Variants in TNRC6C observed in about 807,000 individuals in gnomAD.
TNRC6C encodes the protein trinucleotide repeat-containing gene 6C protein.
Under a neutral mutation model 153.7 loss-of-function variants are expected in TNRC6C, and 20 were observed. The observed-to-expected ratio is 0.13, with a 90% confidence interval of 0.09 to 0.19. The LOEUF is 0.19. Among genes scored for constraint, TNRC6C ranks in the 10% least tolerant of loss-of-function variants. TNRC6C has a pLI of 1.00. For missense variants in TNRC6C, 1,987 were observed against 2,172.0 expected (o/e 0.91, Z 1.69); for synonymous variants, 811 against 841.4 (o/e 0.96, Z 0.63).
chr17:78,047,136 G>A (rs910308975), intron 2 of TNRC6C, among the ~76,000 whole-genome samples: 1 of 152,114 alleles, frequency 6.6e-6, no homozygotes, highest in African/African-American at 2.4e-5. Context: ...CAAACTGATG[G>A]TAAAATGAAA....
intron 1 of TNRC6C, among the ~76,000 whole-genome samples, chr17:77,976,945 A>C (rs1305827730): frequency 6.6e-6 from 1 of 150,548 alleles, no homozygotes; most frequent in Non-Finnish European, 1.5e-5. Flanking sequence ...AAAAAAAAAA[A>C]AAAAAAAAAA....
At chr17:78,039,505 T>C (rs1159258103) in intron 2 of TNRC6C, among the ~76,000 whole-genome samples, 1 of 152,246 alleles carries the variant, frequency 6.6e-6, no homozygotes, top group African/African-American at 2.4e-5. Flanking sequence ...AAATAAGTCC[T>C]AGATGCTTTT....
chr17:78,106,147 G>A (rs776619452), exon 20 of TNRC6C: 14 of 152,034 alleles, frequency 9.2e-5, no homozygotes, highest in Non-Finnish European at 1.5e-4. Context: ...GCACTTGGGC[G>A]TGGGTTGTGA....
At chr17:78,050,534 G>T in exon 3 of TNRC6C, 1 of 1,613,888 alleles carries the variant, frequency 6.2e-7, no homozygotes, top group Non-Finnish European at 8.5e-7. Context: ...AACTCAGGGG[G>T]GAAGAACGAT....
chr17:77,968,575 T>G (rs371662645), intron 1 of TNRC6C, among the ~76,000 whole-genome samples: 1 of 150,750 alleles, frequency 6.6e-6, no homozygotes, highest in East Asian at 2.0e-4. Flanking sequence ...TCTCCTGACC[T>G]CAGGTGATCC....
At chr17:77,979,019 A>G (rs2071038219) in intron 1 of TNRC6C, among the ~76,000 whole-genome samples, 1 of 152,210 alleles carries the variant, frequency 6.6e-6, no homozygotes, top group Non-Finnish European at 1.5e-5. Context: ...AAAACTAAGC[A>G]TATAAAAAGA....
chr17:77,971,788 T>A (rs1244977491), intron 1 of TNRC6C, among the ~76,000 whole-genome samples: 1 of 151,188 alleles, frequency 6.6e-6, no homozygotes, highest in Admixed American at 6.6e-5. Flanking sequence ...CCATCAGAAA[T>A]TAAGTAAGAG....
At chr17:77,982,513 CA>C in intron 1 of TNRC6C, among the ~76,000 whole-genome samples, 1 of 151,946 alleles carries the variant, frequency 6.6e-6, no homozygotes. Flanking sequence ...CAAAAAAAGA[CA>C]AAAAAGAAAA....
At chr17:78,065,603 A>G (rs562879090) in intron 4 of TNRC6C, among the ~76,000 whole-genome samples, 1 of 152,176 alleles carries the variant, frequency 6.6e-6, no homozygotes, top group Non-Finnish European at 1.5e-5. Context: ...AAAACATGTC[A>G]TCTCCTTGAG....
At chr17:78,086,460 C>A (rs368786597) in intron 11 of TNRC6C, 43 bp from the exon 14 acceptor site, 1 of 1,537,974 alleles carries the variant, frequency 6.5e-7, no homozygotes, top group African/African-American at 1.4e-5. Flanking sequence ...GTTCAACTTA[C>A]ACTTAATTAT....
At chr17:78,045,073 AC>A (rs1482034276) in intron 2 of TNRC6C, among the ~76,000 whole-genome samples, 3 of 152,104 alleles carry the variant, frequency 2.0e-5, no homozygotes, top group Non-Finnish European at 2.9e-5. Flanking sequence ...CTCAAAAGAG[AC>A]CCAACCATTG....
chr17:78,007,857 A>G (rs2071550248), intron 1 of TNRC6C, among the ~76,000 whole-genome samples: 1 of 152,242 alleles, frequency 6.6e-6, no homozygotes, highest in Non-Finnish European at 1.5e-5. Context: ...CTTACTCTGC[A>G]ATATTACACA....
intron 13 of TNRC6C, among the ~76,000 whole-genome samples, chr17:78,088,869 C>T (rs1023092473): frequency 3.3e-5 from 5 of 151,962 alleles, no homozygotes; most frequent in African/African-American, 9.7e-5. Flanking sequence ...TTTCATCCCA[C>T]CTATTATCCT....
At position 78,009,032 on chromosome 17, in the gene TNRC6C, G is replaced by A. The variant is rs528959205; in HGVS notation, c.-546+3953G>A. On this transcript the variant is annotated intron_variant, in intron 1 of 19. Transcript: ENST00000301624. ...CCCTTTGTAAATTCTGCTGAATATC[G>A]TCTTTGCGTTGGTGACCAAAGAAAG... is the stretch of plus-strand genomic sequence containing the variant. 6.6e-5 allele frequency among the ~76,000 whole-genome samples: 10 copies of A among 152,236 alleles called. No homozygotes were observed. The South Asian group carries it at 1.2e-3, about 19-fold the overall frequency.
chr17:78,017,432 G>A (rs1016361354), intron 1 of TNRC6C, among the ~76,000 whole-genome samples: 6 of 152,140 alleles, frequency 3.9e-5, no homozygotes, highest in East Asian at 1.9e-4. Context: ...GGAGGGCACC[G>A]CTGCCTCCTC....
At chr17:78,031,207 G>A (rs1315827398) in intron 1 of TNRC6C, among the ~76,000 whole-genome samples, 1 of 152,168 alleles carries the variant, frequency 6.6e-6, no homozygotes, top group East Asian at 1.9e-4. Context: ...TCTGGGCTCT[G>A]ATAAGCCCTC....
intron 1 of TNRC6C, among the ~76,000 whole-genome samples, chr17:78,010,075 G>T (rs1488277310): frequency 6.7e-6 from 1 of 149,914 alleles, no homozygotes; most frequent in Non-Finnish European, 1.5e-5. Context: ...TACAGGCAGG[G>T]TTTCGCCCTG....
chr17:78,095,759 G>A (rs1194927770), intron 16 of TNRC6C, among the ~76,000 whole-genome samples: 2 of 152,180 alleles, frequency 1.3e-5, no homozygotes, highest in African/African-American at 4.8e-5. Context: ...GAAAGCACTA[G>A]CAGGCCGAGC....
chr17:77,958,736 C>T (rs1024235963), upstream of TNRC6C, among the ~76,000 whole-genome samples: 1 of 151,094 alleles, frequency 6.6e-6, no homozygotes, highest in Non-Finnish European at 1.5e-5. Flanking sequence ...GGTGGCAGCT[C>T]CGCACCTCAG....
Sources: allele counts gnomAD v4.1 joint callset (sites outside exome capture counted in the v4.1 genomes callset), GRCh38; gene constraint gnomAD v4.1.1; transcripts MANE v1.5; gene names NCBI Gene and HGNC (gene_info 2026-07-23, HGNC 2026-07-21).